CFAP99: variants seen among roughly 807,000 people sequenced by gnomAD.
CFAP99 encodes cilia- and flagella-associated protein 99.
CFAP99 carries 84 observed loss-of-function variants against 82.7 expected under a neutral mutation model. The ratio of observed to expected loss-of-function variants is 1.02; its 90% CI spans 0.85 to 1.22. The LOEUF (loss-of-function observed/expected upper bound fraction) is 1.22, where lower values mean the gene tolerates loss of function less well. Ranked by LOEUF, CFAP99 falls within the 50% of genes most tolerant of loss-of-function variation. The probability of loss-of-function intolerance (pLI) is 0.00; values close to 1 mark genes in which losing one functional copy is unlikely to be tolerated. For synonymous variants in CFAP99, 456 were observed against 429.5 expected, an observed-to-expected ratio of 1.06 and a Z score of -0.76; for missense variants, 1,059 against 983.5, an observed-to-expected ratio of 1.08 and a Z score of -1.03.
At chr4:2,436,779 C>A in intron 2 of CFAP99, 95 bp from the exon 3 acceptor site, 1 of 1,024,646 alleles carries the variant, frequency 9.8e-7, no homozygotes. Flanking sequence ...GCCCCGGGGC[C>A]GCTCCACCCC....
At chr4:2,444,914 A>G (rs1734126115) in intron 5 of CFAP99, among the ~76,000 whole-genome samples, 1 of 152,142 alleles carries the variant, frequency 6.6e-6, no homozygotes, top group Non-Finnish European at 1.5e-5. Flanking sequence ...GTATCTGTAC[A>G]AGGGGACTGC....
intron 4 of CFAP99, among the ~76,000 whole-genome samples, chr4:2,442,346 G>A (rs536779090): frequency 6.6e-6 from 1 of 152,266 alleles, no homozygotes; most frequent in East Asian, 1.9e-4. Flanking sequence ...AAATGGGAAG[G>A]GGTGGGAAAG....
intron 1 of CFAP99, among the ~76,000 whole-genome samples, chr4:2,422,151 G>C (rs563073843): frequency 6.6e-6 from 1 of 152,354 alleles, no homozygotes; most frequent in African/African-American, 2.4e-5. Context: ...CCTCCCCAAA[G>C]AGGTGATTGT....
At chr4:2,430,884 G>A (rs1733785626) in intron 2 of CFAP99, among the ~76,000 whole-genome samples, 1 of 151,804 alleles carries the variant, frequency 6.6e-6, no homozygotes, top group Non-Finnish European at 1.5e-5. Flanking sequence ...ACCAGCCTAG[G>A]CCACACAGTG....
chr4:2,444,427 A>G (rs1288032079), intron 5 of CFAP99, among the ~76,000 whole-genome samples: 2 of 152,142 alleles, frequency 1.3e-5, no homozygotes, highest in Non-Finnish European at 2.9e-5. Context: ...TCCACTTGCT[A>G]TGGGCCCTGG....
In CFAP99 at chr4:2,436,866, T is replaced by C; in HGVS notation, c.112-8T>C. 6.5e-7 allele frequency: 1 copy of C among 1,533,576 alleles called. No homozygotes were observed. Among genetic ancestry groups the C allele is most frequent in the South Asian group, 1.2e-5 (1 of 84,006 alleles). The allele number at this position is 1,533,576 out of a possible 1,614,324, so 95.0% of individuals were successfully genotyped here. A position where few individuals can be genotyped will look rare whatever the true frequency, so the allele number is the denominator to read the frequency against. On this transcript the variant is annotated splice_polypyrimidine_tract_variant and splice_region_variant and intron_variant, in intron 2 of 14. Coordinates refer to ENST00000635017, the Ensembl canonical transcript of CFAP99. ...GCCAGGGCCCCCCACCGGCTGTCTCTCTTCCAGGCTCTGAGCCCCCAGAAG... is the reference window on the plus strand; with the variant it reads ...GCCAGGGCCCCCCACCGGCTGTCTCCCTTCCAGGCTCTGAGCCCCCAGAAG...
intron 11 of CFAP99, 112 bp from the exon 12 acceptor site, chr4:2,458,611 G>A (rs2108736030): frequency 1.5e-6 from 2 of 1,353,152 alleles, no homozygotes; most frequent in African/African-American, 1.5e-5. Context: ...GTGATTCAAG[G>A]GCAGGGACTG....
At position 2,451,387 on chromosome 4, in the gene CFAP99, C is replaced by T. The variant is rs541377022; in HGVS notation, c.956+35C>T. On this transcript the variant is annotated intron_variant, in intron 10 of 14. Coordinates refer to ENST00000635017, the Ensembl canonical transcript of CFAP99. Reference sequence around the variant, plus strand: ...GGCAGGCCCCCCCACCTGCCTTCCACGGCATCACCCTTGAGAGGAAAGGCT... The same window carrying T: ...GGCAGGCCCCCCCACCTGCCTTCCATGGCATCACCCTTGAGAGGAAAGGCT... 59 of 1,526,384 alleles carry T rather than the reference C, an allele frequency of 3.9e-5. 1 individual carries two copies. In the African/African-American group the frequency reaches 4.2e-4, roughly 11 times the overall value. 94.6% of individuals were successfully genotyped at this position (1,526,384 alleles called of 1,614,324 possible).
intron 14 of CFAP99, among the ~76,000 whole-genome samples, chr4:2,461,402 G>A (rs1057445291): frequency 1.3e-5 from 2 of 152,216 alleles, no homozygotes; most frequent in African/African-American, 4.8e-5. Context: ...AATCATTGCT[G>A]ATGGAAGAGA....
chr4:2,453,262 T>G (rs1456107922), intron 11 of CFAP99, among the ~76,000 whole-genome samples: 1 of 152,196 alleles, frequency 6.6e-6, no homozygotes, highest in Admixed American at 6.5e-5. Flanking sequence ...GTCCTTCCCT[T>G]TTTTGTTACA....
chr4:2,457,337 C>T (rs541614665), intron 11 of CFAP99, among the ~76,000 whole-genome samples: 1 of 152,326 alleles, frequency 6.6e-6, no homozygotes, highest in African/African-American at 2.4e-5. Context: ...AAATGCTGTT[C>T]CATGTGTTCT....
chr4:2,444,818 G>C (rs1734124306), intron 5 of CFAP99, among the ~76,000 whole-genome samples: 1 of 152,162 alleles, frequency 6.6e-6, no homozygotes, highest in African/African-American at 2.4e-5. Context: ...TGTCCTCAGA[G>C]CCCCTGGATT....
At chr4:2,457,202 C>A (rs1444401178) in intron 11 of CFAP99, among the ~76,000 whole-genome samples, 1 of 152,104 alleles carries the variant, frequency 6.6e-6, no homozygotes, top group East Asian at 1.9e-4. Flanking sequence ...CTCAGCTTCC[C>A]CACGCGCTGG....
intron 11 of CFAP99, 61 bp from the exon 12 acceptor site, chr4:2,458,662 G>A (rs920985506): frequency 5.4e-6 from 8 of 1,494,694 alleles, no homozygotes; most frequent in Admixed American, 2.1e-5. Flanking sequence ...GGGCTGGGGC[G>A]GGACCAGGCA....
chr4:2,439,491 A>T (rs1733988412), intron 4 of CFAP99, among the ~76,000 whole-genome samples: 1 of 152,168 alleles, frequency 6.6e-6, no homozygotes, highest in African/African-American at 2.4e-5. Context: ...GGCAGAGCCC[A>T]CCAGGATTGC....
chr4:2,423,431 C>A (rs1733622848), intron 1 of CFAP99, among the ~76,000 whole-genome samples: 1 of 152,236 alleles, frequency 6.6e-6, no homozygotes, highest in African/African-American at 2.4e-5. Flanking sequence ...GGGGAGGGTG[C>A]TCAGTGGGCC....
At chr4:2,442,938 TG>T (rs1734080009) in intron 4 of CFAP99, among the ~76,000 whole-genome samples, 191 bp from the exon 5 acceptor site, 2 of 46,472 alleles carry the variant, frequency 4.3e-5, no homozygotes, top group Admixed American at 2.4e-4. Flanking sequence ...CTGGGGGCCT[TG>T]GGGGGAGCCA....
chr4:2,438,226 C>A, intron 4 of CFAP99, 62 bp downstream of exon 4: 1 of 939,836 alleles, frequency 1.1e-6, no homozygotes, highest in Non-Finnish European at 1.7e-6. Context: ...GTCTGATCCT[C>A]GCCCACCTTT....
exon 10 of CFAP99, chr4:2,451,303 C>T: frequency 6.5e-7 from 1 of 1,536,048 alleles, no homozygotes; most frequent in Non-Finnish European, 8.7e-7. Flanking sequence ...CACAGCCATC[C>T]TGCGAGAAGG....
Sources: allele counts gnomAD v4.1 joint callset (sites outside exome capture counted in the v4.1 genomes callset), GRCh38; gene constraint gnomAD v4.1.1; transcripts MANE v1.5; gene names NCBI Gene and HGNC (gene_info 2026-07-23, HGNC 2026-07-21).